The following FER variants were observed in gnomAD, a reference collection of about 807,000 sequenced individuals.
FER encodes the protein FER tyrosine kinase.
FER carries 63 observed loss-of-function variants against 111.0 expected under a neutral mutation model. The ratio of observed to expected loss-of-function variants is 0.57; its 90% CI spans 0.46 to 0.70. The LOEUF is 0.70. FER is among the 30% of genes least tolerant of loss of function. FER has a pLI of 0.00. For missense variants in FER, 914 were observed against 954.0 expected (o/e 0.96, Z 0.55); for synonymous variants, 327 against 313.9 (o/e 1.04, Z -0.44).
intron 13 of FER, chr5:109,015,011 G>C (rs898920331): frequency 3.3e-5 from 5 of 152,006 alleles, no homozygotes; most frequent in Non-Finnish European, 7.4e-5. Context: ...AAATGTCTCT[G>C]TAGGTGGTAA....
chr5:108,788,550 C>G (rs1163876307), intron 2 of FER, among the ~76,000 whole-genome samples: 2 of 150,504 alleles, frequency 1.3e-5, no homozygotes, highest in Non-Finnish European at 1.5e-5. Context: ...TTTTTTTTCC[C>G]TCCTGATGCC....
chr5:109,092,611 A>C (rs1746960285), intron 16 of FER, among the ~76,000 whole-genome samples: 1 of 151,890 alleles, frequency 6.6e-6, no homozygotes, highest in Non-Finnish European at 1.5e-5. Flanking sequence ...GAAGATAAAA[A>C]ATTTTGGAGA....
intron 8 of FER, among the ~76,000 whole-genome samples, chr5:108,882,144 G>A (rs1446547402): frequency 1.3e-5 from 2 of 151,898 alleles, no homozygotes; most frequent in African/African-American, 4.8e-5. Context: ...GACAGACTTT[G>A]TGCATATTGT....
At chr5:108,935,994 T>C (rs763989844) in intron 10 of FER, among the ~76,000 whole-genome samples, 2 of 152,074 alleles carry the variant, frequency 1.3e-5, no homozygotes, top group Non-Finnish European at 2.9e-5. Flanking sequence ...GAGGTCTGTG[T>C]CTTGCAAGAA....
rs140359386 is a variant in FER at position 108,931,803 on chromosome 5, C to T, written c.1237-14327C>T. Among the ~76,000 whole-genome samples the T allele has an allele frequency of 3.9e-3, 595 of 151,838 alleles. 5 individuals carry two copies. The highest frequency in any genetic ancestry group is 0.014 in the African/African-American group (570 of 41,426). ...CAAGAATGCACCATTGCACTCCACC[C>T]TAGGCGACAAGAATGAAACTCCATC... On this transcript the variant is annotated intron_variant, in intron 10 of 19. Coordinates refer to ENST00000281092, the MANE Select transcript of FER (RefSeq NM_005246.4).
intron 17 of FER, among the ~76,000 whole-genome samples, chr5:109,156,056 G>A (rs992085570): frequency 1.3e-5 from 2 of 151,962 alleles, no homozygotes; most frequent in Admixed American, 6.6e-5. Flanking sequence ...CCTTATAAGC[G>A]ATATTAAGGG....
chr5:108,920,682 A>C (rs1289884286), intron 10 of FER, among the ~76,000 whole-genome samples: 1 of 152,180 alleles, frequency 6.6e-6, no homozygotes, highest in Non-Finnish European at 1.5e-5. Flanking sequence ...TGGTAAATTC[A>C]CCATAAATTA....
chr5:108,750,018 C>T (rs1750291726), intron 1 of FER, among the ~76,000 whole-genome samples: 1 of 152,140 alleles, frequency 6.6e-6, no homozygotes, highest in Non-Finnish European at 1.5e-5. Context: ...AAAAAAAGAG[C>T]AGCTTTTTAA....
At chr5:108,818,704 C>T (rs1758528655) in intron 3 of FER, among the ~76,000 whole-genome samples, 1 of 151,970 alleles carries the variant, frequency 6.6e-6, no homozygotes, top group South Asian at 2.1e-4. Context: ...TTTAATTGTT[C>T]TGTTCAGGGA....
At chr5:109,112,133 C>A (rs1221151202) in intron 17 of FER, among the ~76,000 whole-genome samples, 1 of 151,442 alleles carries the variant, frequency 6.6e-6, no homozygotes, top group Non-Finnish European at 1.5e-5. Context: ...ACCTCACAGT[C>A]ACTGTTTGTT....
intron 5 of FER, among the ~76,000 whole-genome samples, chr5:108,862,963 A>C (rs1199973638): frequency 6.6e-6 from 1 of 152,238 alleles, no homozygotes; most frequent in Non-Finnish European, 1.5e-5. Flanking sequence ...GCTTCTAGCC[A>C]AAATATTGGT....
intron 16 of FER, chr5:109,051,198 T>C: frequency 1.4e-6 from 1 of 724,002 alleles, no homozygotes. Flanking sequence ...GCCTCATGAA[T>C]AAGACTGTTG....
At chr5:109,157,143 C>A (rs1755484708) in intron 17 of FER, among the ~76,000 whole-genome samples, 1 of 152,054 alleles carries the variant, frequency 6.6e-6, no homozygotes, top group Non-Finnish European at 1.5e-5. Flanking sequence ...GGTATAGCCC[C>A]TTACTCTCTC....
chr5:108,813,097 A>G (rs1360176617), intron 3 of FER, among the ~76,000 whole-genome samples: 2 of 152,060 alleles, frequency 1.3e-5, no homozygotes, highest in African/African-American at 2.4e-5. Flanking sequence ...CTTATAGTGC[A>G]AGTCTATTGA....
chr5:109,051,796 G>A, intron 16 of FER: 2 of 1,595,750 alleles, frequency 1.3e-6, no homozygotes, highest in Non-Finnish European at 1.7e-6. Flanking sequence ...GATATTCAAG[G>A]CCAGGGACAC....
chr5:108,811,479 A>T (rs1362160089), intron 3 of FER, among the ~76,000 whole-genome samples: 1 of 152,178 alleles, frequency 6.6e-6, no homozygotes, highest in Non-Finnish European at 1.5e-5. Context: ...TGTCTTGGTA[A>T]ATATTGCATG....
intron 10 of FER, among the ~76,000 whole-genome samples, chr5:108,944,133 A>G (rs1756657883): frequency 6.6e-6 from 1 of 151,952 alleles, no homozygotes; most frequent in Non-Finnish European, 1.5e-5. Context: ...ACACACACAC[A>G]CACACACAAA....
At chr5:108,765,769 A>T (rs1508784) in intron 1 of FER, among the ~76,000 whole-genome samples, 2,636 of 152,262 alleles carry the variant, frequency 0.017, 31 homozygotes, top group Middle Eastern at 0.071. Context: ...TAATTGGATG[A>T]TCTAGTAATT....
chr5:108,852,105 G>C (rs921926540), intron 5 of FER, among the ~76,000 whole-genome samples: 2 of 152,150 alleles, frequency 1.3e-5, no homozygotes, highest in African/African-American at 4.8e-5. Context: ...TAATTTATAA[G>C]CCGTCATTTA....
Sources: allele counts gnomAD v4.1 joint callset (sites outside exome capture counted in the v4.1 genomes callset), GRCh38; gene constraint gnomAD v4.1.1; transcripts MANE v1.5; gene names NCBI Gene and HGNC (gene_info 2026-07-23, HGNC 2026-07-21).